ZNF25: variants seen among roughly 807,000 people sequenced by gnomAD.
ZNF25 encodes zinc finger protein 25 (KOX 19).
Under a neutral mutation model 30.9 loss-of-function variants are expected in ZNF25, and 21 were observed. The observed-to-expected ratio is 0.68, with a 90% CI of 0.48 to 0.98. The LOEUF (loss-of-function observed/expected upper bound fraction) is 0.98, where lower values mean the gene tolerates loss of function less well. Ranked by LOEUF, ZNF25 falls within the 50% of genes least tolerant of loss-of-function variation. The pLI, the probability that ZNF25 is intolerant of heterozygous loss-of-function variation, is 0.00. For synonymous variants in ZNF25, 169 were observed against 181.3 expected, an observed-to-expected ratio of 0.93 and a Z score of 0.55; for missense variants, 501 against 529.9, an observed-to-expected ratio of 0.95 and a Z score of 0.54.
intron 3 of ZNF25, 35 bp from the exon 4 acceptor site, chr10:37,957,150 T>G: frequency 6.3e-7 from 1 of 1,585,740 alleles, no homozygotes; most frequent in Non-Finnish European, 8.7e-7. Flanking sequence ...ATGATACAAA[T>G]TGCTTGGAAT....
At chr10:37,957,388 C>T in intron 3 of ZNF25, 32 bp downstream of exon 3, 1 of 1,603,540 alleles carries the variant, frequency 6.2e-7, no homozygotes, top group Non-Finnish European at 8.5e-7. Flanking sequence ...ATGCAAACTA[C>T]TGGGATTTAC....
Position 37,969,544 on chromosome 10 carries a change from C to T in ZNF25, c.15+2164G>A, listed in dbSNP as rs570306759. ...CACCTAATGTATGATCTCACTTACA[C>T]GAAATATCTAGACTAGGTAGATCCA... On this transcript the variant is annotated intron_variant, in intron 2 of 5. Coordinates refer to ENST00000302609, the MANE Select transcript of ZNF25 (RefSeq NM_145011.4). 4.3e-4 allele frequency among the ~76,000 whole-genome samples: 65 copies of T among 152,208 alleles called. 1 individual carries two copies. The South Asian group carries it at 0.011, about 26-fold the overall frequency.
chr10:37,959,539 C>T (rs989052350), intron 2 of ZNF25, among the ~76,000 whole-genome samples: 1 of 152,124 alleles, frequency 6.6e-6, no homozygotes, highest in African/African-American at 2.4e-5. Flanking sequence ...TATTTATACT[C>T]CATGAAATCT....
At chr10:37,957,220 G>C (rs1246224674) in intron 3 of ZNF25, 105 bp from the exon 4 acceptor site, 3 of 1,338,972 alleles carry the variant, frequency 2.2e-6, no homozygotes, top group Non-Finnish European at 2.1e-6. Context: ...GTTCCAGTTA[G>C]GCTTGGCAAA....
intron 2 of ZNF25, among the ~76,000 whole-genome samples, chr10:37,965,794 T>C (rs2063147858): frequency 6.6e-6 from 1 of 152,180 alleles, no homozygotes; most frequent in African/African-American, 2.4e-5. Flanking sequence ...TCCTATAGGA[T>C]TTAAAAGACA....
chr10:37,960,729 C>T (rs374533732), intron 2 of ZNF25, among the ~76,000 whole-genome samples: 1 of 147,522 alleles, frequency 6.8e-6, no homozygotes, highest in Non-Finnish European at 1.5e-5. Flanking sequence ...CTTCTCTAAA[C>T]ATAAGAGTAA....
chr10:37,963,598 G>A (rs551212054), intron 2 of ZNF25, among the ~76,000 whole-genome samples: 2 of 152,258 alleles, frequency 1.3e-5, no homozygotes, highest in South Asian at 4.1e-4. Flanking sequence ...GGGTCATGGG[G>A]GTGTATCTCT....
At chr10:37,958,624 A>T (rs1335189620) in intron 2 of ZNF25, among the ~76,000 whole-genome samples, 1 of 152,194 alleles carries the variant, frequency 6.6e-6, no homozygotes, top group Non-Finnish European at 1.5e-5. Context: ...ATTAATGTTT[A>T]TTAAGAATTA....
chr10:37,970,575 T>C (rs545243318), intron 2 of ZNF25, among the ~76,000 whole-genome samples: 4 of 152,192 alleles, frequency 2.6e-5, no homozygotes, highest in Non-Finnish European at 5.9e-5. Flanking sequence ...ATTATGTACA[T>C]TCCTTTGATT....
rs780386291 is a variant in ZNF25, at chr10:37,952,199, T to C, written c.1299A>G (p.Glu433=). The change falls in exon 6 of 6, where the codon GAA becomes GAG. Residue 433 remains glutamate, a synonymous_variant. Coordinates refer to ENST00000302609, the MANE Select transcript of ZNF25 (RefSeq NM_145011.4). Reference sequence around the variant, plus strand: ...TGAGTTGTGACTTCTGGATAAAGGTTTCCCCACACTCCTGACACTCATAGG... The same window carrying C: ...TGAGTTGTGACTTCTGGATAAAGGTCTCCCCACACTCCTGACACTCATAGG... The part of the protein sequence containing the change: ...EKPYECQECG[E]TFIQKSQLTA... The C allele has an allele frequency of 1.5e-5, 24 of 1,612,620 alleles. No homozygotes were observed. The highest frequency in any genetic ancestry group is 1.8e-5 in the Non-Finnish European group (21 of 1,179,424).
At chr10:37,961,623 G>A (rs1457343854) in intron 2 of ZNF25, among the ~76,000 whole-genome samples, 1 of 152,066 alleles carries the variant, frequency 6.6e-6, no homozygotes, top group East Asian at 1.9e-4. Flanking sequence ...TGGCAAATCA[G>A]ATATAAAAGC....
chr10:37,968,379 A>T (rs528328845), intron 2 of ZNF25, among the ~76,000 whole-genome samples: 3 of 148,820 alleles, frequency 2.0e-5, no homozygotes, highest in Non-Finnish European at 4.5e-5. Flanking sequence ...TTTTTAAGAC[A>T]GAGTCTTGCT....
At chr10:37,955,795 A>G (rs138248299) in intron 4 of ZNF25, among the ~76,000 whole-genome samples, 36 of 152,184 alleles carry the variant, frequency 2.4e-4, no homozygotes, top group African/African-American at 8.4e-4. Flanking sequence ...CTCATGCCTA[A>G]GCCTCAGCCT....
At chr10:37,953,576 T>C (rs2062316736) in intron 5 of ZNF25, 119 bp downstream of exon 5, 1 of 878,592 alleles carries the variant, frequency 1.1e-6, no homozygotes, top group Non-Finnish European at 1.8e-6. Flanking sequence ...CCTTGGGATT[T>C]GCTCTGCAGT....
intron 2 of ZNF25, among the ~76,000 whole-genome samples, chr10:37,958,469 G>T (rs1779060): frequency 6.6e-6 from 1 of 152,176 alleles, no homozygotes; most frequent in Admixed American, 6.5e-5. Context: ...ATAGGACCAA[G>T]ATTAGTTAGA....
At chr10:37,973,618 T>C (rs1041132689) in intron 1 of ZNF25, among the ~76,000 whole-genome samples, 1 of 142,014 alleles carries the variant, frequency 7.0e-6, no homozygotes, top group Non-Finnish European at 1.5e-5. Flanking sequence ...AAAAAGAGTA[T>C]AAAACACTGA....
intron 2 of ZNF25, among the ~76,000 whole-genome samples, chr10:37,969,644 TG>T (rs1438349968): frequency 6.6e-6 from 1 of 152,176 alleles, no homozygotes. Flanking sequence ...TTAATGGGAA[TG>T]GGGTTTTCTT....
chr10:37,958,603 C>A (rs777363529), intron 2 of ZNF25, among the ~76,000 whole-genome samples: 13 of 152,134 alleles, frequency 8.5e-5, no homozygotes, highest in Admixed American at 1.3e-4. Context: ...ATAATACATA[C>A]CTTTGCATGT....
At chr10:37,961,679 T>A (rs1176036608) in intron 2 of ZNF25, among the ~76,000 whole-genome samples, 1 of 151,290 alleles carries the variant, frequency 6.6e-6, no homozygotes, top group Non-Finnish European at 1.5e-5. Flanking sequence ...CCCAGCACTT[T>A]GGGAGGCCGA....
Sources: gnomAD v4.1 joint callset for allele counts (sites outside exome capture counted in the v4.1 genomes callset) on GRCh38, gnomAD v4.1.1 for gene constraint, MANE v1.5 for transcripts, NCBI Gene and HGNC (gene_info 2026-07-23, HGNC 2026-07-21) for gene names.